The following B2M variants were observed in gnomAD, a reference collection of about 807,000 sequenced individuals.
B2M encodes the protein beta-2-microglobulin, also known as beta chain of MHC class I molecules.
Under a neutral mutation model 14.5 loss-of-function variants are expected in B2M, and 3 were observed. That is an observed-to-expected ratio of 0.21 (90% CI 0.09 to 0.53). The LOEUF (loss-of-function observed/expected upper bound fraction) is 0.53, where lower values mean the gene tolerates loss of function less well. Ranked by LOEUF, B2M falls within the 20% of genes least tolerant of loss-of-function variation. B2M has a pLI of 0.95. For missense variants in B2M, 107 were observed against 140.8 expected, an observed-to-expected ratio of 0.76 and a Z score of 1.21; for synonymous variants, 45 against 52.7, an observed-to-expected ratio of 0.85 and a Z score of 0.64.
chr15:44,711,761 G>A, intron 1 of B2M, 148 bp downstream of exon 1: 1 of 1,084,406 alleles, frequency 9.2e-7, no homozygotes, highest in African/African-American at 1.6e-5. Context: ...CTGGATCTCG[G>A]GGAAGCGGCG....
intron 3 of B2M, chr15:44,716,659 C>A (rs765762242): frequency 1.5e-5 from 7 of 467,316 alleles, no homozygotes; most frequent in Admixed American, 3.6e-5. Flanking sequence ...GATCTTTCTT[C>A]TGCCATTTCC....
At chr15:44,712,363 GA>G (rs1379774740) in intron 1 of B2M, among the ~76,000 whole-genome samples, 1 of 152,108 alleles carries the variant, frequency 6.6e-6, no homozygotes, top group Non-Finnish European at 1.5e-5. Context: ...ATTTAATTTT[GA>G]AAACAGTTAT....
intron 1 of B2M, chr15:44,715,216 A>C (rs929593546): frequency 1.6e-6 from 1 of 638,476 alleles, no homozygotes; most frequent in Non-Finnish European, 2.8e-6. Flanking sequence ...AGGAATTATG[A>C]GGGAAAGATA....
At chr15:44,712,036 G>A (rs1376776346) in intron 1 of B2M, 5 of 339,826 alleles carry the variant, frequency 1.5e-5, no homozygotes. Context: ...TGAACGCGTG[G>A]AGGGGCGCTT....
intron 2 of B2M, 173 bp downstream of exon 2, chr15:44,715,874 A>G: frequency 1.2e-6 from 1 of 855,670 alleles, no homozygotes; most frequent in South Asian, 1.5e-5. Context: ...TAAAGATCAG[A>G]TTAGTGGCAC....
intron 1 of B2M, 137 bp downstream of exon 1, chr15:44,711,750 G>A (rs1441920852): frequency 3.4e-6 from 4 of 1,173,758 alleles, no homozygotes; most frequent in East Asian, 5.0e-5. Flanking sequence ...CTAGTCCAGG[G>A]CTGGATCTCG....
At position 44,711,629 on chromosome 15, in the gene B2M, C is replaced by T. The variant is rs746707632; in HGVS notation, c.67+16C>T. 3 of 1,610,082 alleles carry T rather than the reference C, an allele frequency of 1.9e-6. No individual in the cohort carries two copies. ...GCTATCCAGCGTGAGTCTCTCCTAC[C>T]CTCCCGCTCTGGTCCTTCCTCTCCC... On this transcript the variant is annotated intron_variant, in intron 1 of 3. Transcript: ENST00000648006.
chr15:44,716,300 C>T, intron 2 of B2M, 29 bp from the exon 3 acceptor site: 1 of 1,605,654 alleles, frequency 6.2e-7, no homozygotes, highest in Non-Finnish European at 8.5e-7. Flanking sequence ...TAATGTCTTC[C>T]TTTTTTTTCT....
At chr15:44,716,639 G>T in intron 3 of B2M, 2 of 500,950 alleles carry the variant, frequency 4.0e-6, no homozygotes, top group Non-Finnish European at 3.6e-6. Flanking sequence ...CACATTACCT[G>T]CAAGGCTTTG....
chr15:44,716,027 C>T, intron 2 of B2M: 1 of 599,670 alleles, frequency 1.7e-6, no homozygotes, highest in South Asian at 2.0e-5. Context: ...TTTGTGGCAG[C>T]TTCAGGTATA....
chr15:44,711,526 G>A lies in B2M; in HGVS notation c.-21G>A. The A allele has an allele frequency of 6.2e-7, 1 of 1,613,384 alleles. No individual in the cohort carries two copies. The highest frequency in any genetic ancestry group is 2.2e-5 in the East Asian group (1 of 44,878). On this transcript the variant is annotated 5_prime_UTR_variant, in exon 1 of 4. Coordinates refer to ENST00000648006, the MANE Select transcript of B2M (RefSeq NM_004048.4). ...CGTCGCGCTGGCGGGCATTCCTGAA[G>A]CTGACAGCATTCGGGCCGAGATGTC...
In B2M at chr15:44,715,818, A is replaced by G. The variant is rs2141289326; in HGVS notation, c.346+117A>G. ...TACTACCCTGAATGAGTCCCATCCCATCTGATATAAACAATCTGCATATTG... is the reference window on the plus strand; with the variant it reads ...TACTACCCTGAATGAGTCCCATCCCGTCTGATATAAACAATCTGCATATTG... On this transcript the variant is annotated intron_variant, in intron 2 of 3. Coordinates refer to ENST00000648006, the MANE Select transcript of B2M (RefSeq NM_004048.4). 10 of 1,241,322 alleles carry G rather than the reference A, an allele frequency of 8.1e-6. No homozygotes were observed. In the South Asian group the frequency reaches 1.1e-4, roughly 14 times the overall value. 76.9% of individuals were successfully genotyped at this position (1,241,322 alleles called of 1,614,324 possible).
rs765817584 is a variant in B2M at position 44,711,553 on chromosome 15, C to T, written c.7C>T (p.Arg3Cys). The T allele has an allele frequency of 2.1e-5, 34 of 1,613,706 alleles. 2 individuals are homozygous for T. The South Asian group carries it at 3.6e-4, about 17-fold the overall frequency. Residue 3 changes from arginine (R) to cysteine (C), a missense_variant, in exon 1 of 4, where the codon CGC becomes TGC. Coordinates refer to ENST00000648006, the MANE Select transcript of B2M (RefSeq NM_004048.4). MS[R>C]SVALAVLALL... ...TGACAGCATTCGGGCCGAGATGTCT[C>T]GCTCCGTGGCCTTAGCTGTGCTCGC...
At chr15:44,714,034 T>G (rs2086915813) in intron 1 of B2M, 1 of 152,208 alleles carries the variant, frequency 6.6e-6, no homozygotes, top group Non-Finnish European at 1.5e-5. Flanking sequence ...CACTAACACT[T>G]CTCTTCATTT....
At chr15:44,711,694 C>T in intron 1 of B2M, 81 bp downstream of exon 1, 2 of 1,485,120 alleles carry the variant, frequency 1.3e-6, no homozygotes, top group Non-Finnish European at 1.9e-6. Context: ...CTCTCTCGCT[C>T]CGTGACTTCC....
At chr15:44,711,751 C>A in intron 1 of B2M, 138 bp downstream of exon 1, 2 of 1,170,640 alleles carry the variant, frequency 1.7e-6, no homozygotes, top group Non-Finnish European at 2.5e-6. Flanking sequence ...TAGTCCAGGG[C>A]TGGATCTCGG....
At chr15:44,716,303 T>C (rs1417252001) in intron 2 of B2M, 26 bp from the exon 3 acceptor site, 1 of 1,608,238 alleles carries the variant, frequency 6.2e-7, no homozygotes, top group African/African-American at 1.3e-5. Context: ...TGTCTTCCTT[T>C]TTTTTCTCCA....
At chr15:44,716,173 T>C (rs1406142361) in intron 2 of B2M, 156 bp from the exon 3 acceptor site, 5 of 830,752 alleles carry the variant, frequency 6.0e-6, no homozygotes, top group Non-Finnish European at 9.7e-6. Context: ...AAGGGCTTGT[T>C]CCTGCTGGGT....
chr15:44,715,790 C>T lies in B2M; in HGVS notation c.346+89C>T, dbSNP rs1408387698. The T allele has an allele frequency of 4.1e-6, 6 of 1,470,334 alleles. No homozygotes were observed. The East Asian group carries it at 1.4e-4, about 33-fold the overall frequency. 91.1% of individuals were successfully genotyped at this position (1,470,334 alleles called of 1,614,324 possible). A position where few individuals can be genotyped will look rare whatever the true frequency, so the allele number is the denominator to read the frequency against. ...GCTTTGATATAAAAAAGGTCTATGG[C>T]CATACTACCCTGAATGAGTCCCATC... On this transcript the variant is annotated intron_variant, in intron 2 of 3. Coordinates refer to ENST00000648006, the MANE Select transcript of B2M (RefSeq NM_004048.4).
Sources: gnomAD v4.1 joint callset for allele counts (sites outside exome capture counted in the v4.1 genomes callset) on GRCh38, gnomAD v4.1.1 for gene constraint, MANE v1.5 for transcripts, NCBI Gene and HGNC (gene_info 2026-07-23, HGNC 2026-07-21) for gene names.